Variants in FASTKD1 observed in about 807,000 individuals in gnomAD.
The protein encoded by FASTKD1 is FAST kinase domains 1.
FASTKD1 carries 94 observed loss-of-function variants against 90.9 expected under a neutral mutation model. That is an observed-to-expected ratio of 1.03 (90% confidence interval 0.88 to 1.23). The LOEUF (loss-of-function observed/expected upper bound fraction) is 1.23, where lower values mean the gene tolerates loss of function less well. Ranked by LOEUF, FASTKD1 falls within the 50% of genes most tolerant of loss-of-function variation. The pLI is 0.00. For missense variants in FASTKD1, 945 were observed against 993.5 expected, an observed-to-expected ratio of 0.95 and a Z score of 0.66; for synonymous variants, 319 against 345.8, an observed-to-expected ratio of 0.92 and a Z score of 0.86.
chr2:169,533,242 T>C (rs1357686952), intron 12 of FASTKD1, among the ~76,000 whole-genome samples: 2 of 152,190 alleles, frequency 1.3e-5, no homozygotes, highest in Non-Finnish European at 2.9e-5. Flanking sequence ...AAAGATGATA[T>C]TGTTGTTATG....
rs1252131047 is a variant in FASTKD1, at chr2:169,555,167, G to A, written c.1171C>T (p.Gln391Ter). The A allele has an allele frequency of 6.2e-7, 1 of 1,612,346 alleles. No individual in the cohort carries two copies. Among genetic ancestry groups the A allele is most frequent in the Non-Finnish European group, 8.5e-7 (1 of 1,179,348 alleles). ...ITQELTFLHF[Q>*]RKEFFAKLRE... ...AGTTTCGCAAAAAACTCCTTCCTTT[G>A]GAAATGCAGAAAAGTTAATTCTTGA... Residue 391 changes from glutamine to a stop codon, truncating the protein, a stop_gained, in exon 7 of 15, where the codon CAA (glutamine) becomes TAA (stop). Coordinates refer to ENST00000453153, the MANE Select transcript of FASTKD1 (RefSeq NM_024622.6). LOFTEE classifies it high-confidence loss of function.
chr2:169,531,693 A>G, intron 12 of FASTKD1: 2 of 499,100 alleles, frequency 4.0e-6, no homozygotes, highest in Admixed American at 7.4e-5. Context: ...CAATAAAAAA[A>G]TCAACCAGAA....
chr2:169,546,427 C>G lies in FASTKD1; in HGVS notation c.1492G>C (p.Asp498His), dbSNP rs148043585. The G allele has an allele frequency of 1.4e-4, 223 of 1,614,114 alleles. 2 individuals are homozygous for G. In the African/African-American group the frequency reaches 2.7e-3, roughly 19 times the overall value. The change falls in exon 8 of 15, where the codon GAT (aspartate) becomes CAT (histidine). Residue 498 changes from aspartate to histidine, a missense_variant. Coordinates refer to ENST00000453153, the MANE Select transcript of FASTKD1 (RefSeq NM_024622.6). ...RQRLQHSNSLDLLRKELKSLK... is the reference protein window; with the variant it reads ...RQRLQHSNSLHLLRKELKSLK... ...GATTTAAGTTCCTTCCGTAACAGAT[C>G]CAAACTGTTGCTGTGTTGTAGTCTC...
intron 12 of FASTKD1, among the ~76,000 whole-genome samples, chr2:169,534,469 T>C (rs547789950): frequency 6.7e-6 from 1 of 148,538 alleles, no homozygotes; most frequent in African/African-American, 2.5e-5. Context: ...TTTTCTTTTT[T>C]TTTTTTTTTT....
intron 14 of FASTKD1, among the ~76,000 whole-genome samples, 188 bp from the exon 15 acceptor site, chr2:169,530,114 G>A (rs1684415110): frequency 6.6e-6 from 1 of 152,052 alleles, no homozygotes; most frequent in African/African-American, 2.4e-5. Flanking sequence ...ACTTTTTTCT[G>A]CTCCTTTCAT....
chr2:169,561,902 ATTAT>A lies in FASTKD1; in HGVS notation c.573-1121_573-1118del, dbSNP rs1034176079. On this transcript the variant is annotated intron_variant, in intron 4 of 14. Transcript: ENST00000453153. ...ATTTATTGTAAATTATTTATTATAAATTATTTATTTATTGTAAATCAATTATTTG... is the reference window on the plus strand; with the variant it reads ...ATTTATTGTAAATTATTTATTATAAATTATTTATTGTAAATCAATTATTTG... Among the ~76,000 whole-genome samples, 61 of 133,720 alleles carry A rather than the reference ATTAT, an allele frequency of 4.6e-4. 1 individual carries two copies. The highest frequency in any genetic ancestry group is 6.2e-4 in the Non-Finnish European group (40 of 64,450). The allele number at this position is 133,720 out of a possible 152,430, so 87.7% of individuals were successfully genotyped here.
chr2:169,547,109 TTTGA>T (rs1347993995), intron 7 of FASTKD1, among the ~76,000 whole-genome samples: 2 of 152,104 alleles, frequency 1.3e-5, no homozygotes, highest in Non-Finnish European at 2.9e-5. Flanking sequence ...CCTCTTTGGG[TTTGA>T]TTAATTTGCT....
At position 169,555,206 on chromosome 2, in the gene FASTKD1, A is replaced by G; in HGVS notation, c.1132T>C (p.Leu378=). The G allele has an allele frequency of 1.2e-6, 2 of 1,612,182 alleles. No homozygotes were observed. Among genetic ancestry groups the G allele is most frequent in the Non-Finnish European group, 1.7e-6 (2 of 1,178,928 alleles). Residue 378 remains leucine, a synonymous_variant, in exon 7 of 15, where the codon TTG becomes CTG. Transcript: ENST00000453153. ...GTTAATTCTTGAGTTATCTTCAACA[A>G]CTCTAATGGTTTATAGCCATCCAAA... The part of the protein sequence containing the change: ...KHLDGYKPLE[L]LKITQELTFL...
At chr2:169,537,612 G>A (rs1043536759) in intron 11 of FASTKD1, among the ~76,000 whole-genome samples, 1 of 152,076 alleles carries the variant, frequency 6.6e-6, no homozygotes, top group Non-Finnish European at 1.5e-5. Flanking sequence ...TCGAACTCCT[G>A]ACCTCAGGTG....
rs1684482838 is a variant in FASTKD1, at chr2:169,531,422, G to C, written c.2257C>G (p.Gln753Glu). 1.2e-6 allele frequency: 2 copies of C among 1,612,458 alleles called. No homozygotes were observed. The highest frequency in any genetic ancestry group is 1.7e-5 in the Admixed American group (1 of 59,946). Reference protein sequence around the residue: ...PYGSHNIALGQLPEMPWESNI... With the variant: ...PYGSHNIALGELPEMPWESNI... ...GATTCCCAGGGCATTTCTGGTAGTT[G>C]TCCCAATGCTATATTATGGCTTCCA... Residue 753 changes from glutamine to glutamate, a missense_variant, in exon 13 of 15, where the codon CAA (glutamine) becomes GAA (glutamate). Coordinates refer to ENST00000453153, the MANE Select transcript of FASTKD1 (RefSeq NM_024622.6).
chr2:169,530,130 T>C (rs906548167), intron 14 of FASTKD1, among the ~76,000 whole-genome samples: 2 of 152,172 alleles, frequency 1.3e-5, no homozygotes, highest in Non-Finnish European at 2.9e-5. Context: ...TTCATCCTCC[T>C]TTTCCTACAA....
chr2:169,564,581 A>C (rs1280513728), intron 3 of FASTKD1, among the ~76,000 whole-genome samples: 1 of 152,108 alleles, frequency 6.6e-6, no homozygotes, highest in South Asian at 2.1e-4. Flanking sequence ...CAAACAATCC[A>C]ATTACGTTCT....
chr2:169,536,381 T>C (rs1250557382), intron 12 of FASTKD1, among the ~76,000 whole-genome samples: 1 of 152,042 alleles, frequency 6.6e-6, no homozygotes, highest in African/African-American at 2.4e-5. Flanking sequence ...ATTGTCACTG[T>C]CTCTTAAAAA....
intron 7 of FASTKD1, among the ~76,000 whole-genome samples, chr2:169,550,682 T>C (rs1236065178): frequency 6.6e-6 from 1 of 152,172 alleles, no homozygotes; most frequent in African/African-American, 2.4e-5. Flanking sequence ...GCTTGCTATG[T>C]TGAACACACC....
chr2:169,544,666 G>A, intron 9 of FASTKD1, 55 bp downstream of exon 9: 1 of 950,256 alleles, frequency 1.1e-6, no homozygotes, highest in Non-Finnish European at 1.7e-6. Flanking sequence ...TAGCTCAGCA[G>A]CAACAAGTAT....
chr2:169,531,772 T>C, intron 12 of FASTKD1: 1 of 271,686 alleles, frequency 3.7e-6, no homozygotes, highest in Non-Finnish European at 6.9e-6. Flanking sequence ...CATTAAAGAG[T>C]TTCAATCTCT....
At chr2:169,537,961 A>G in intron 11 of FASTKD1, 52 bp downstream of exon 11, 1 of 1,505,642 alleles carries the variant, frequency 6.6e-7, no homozygotes, top group Non-Finnish European at 9.0e-7. Context: ...GTACTACCTA[A>G]TAATTTACTT....
chr2:169,535,187 T>C (rs1038569488), intron 12 of FASTKD1, among the ~76,000 whole-genome samples: 1 of 151,892 alleles, frequency 6.6e-6, no homozygotes, highest in African/African-American at 2.4e-5. Context: ...TTTGTTTTGT[T>C]TTGTTTTGTT....
intron 7 of FASTKD1, among the ~76,000 whole-genome samples, chr2:169,550,738 C>G (rs1685455574): frequency 6.6e-6 from 1 of 151,626 alleles, no homozygotes; most frequent in African/African-American, 2.4e-5. Flanking sequence ...CTCAGCCTCT[C>G]AAATATACTT....
Sources: gnomAD v4.1 joint callset for allele counts (sites outside exome capture counted in the v4.1 genomes callset) on GRCh38, gnomAD v4.1.1 for gene constraint, MANE v1.5 for transcripts, NCBI Gene and HGNC (gene_info 2026-07-23, HGNC 2026-07-21) for gene names.